The following PDIA3 variants were observed in gnomAD, a reference collection of about 807,000 sequenced individuals.
PDIA3 encodes protein disulfide isomerase family A member 3.
Under a neutral mutation model 56.9 loss-of-function variants are expected in PDIA3, and 16 were observed. The ratio of observed to expected loss-of-function variants is 0.28; its 90% confidence interval spans 0.19 to 0.43. The LOEUF (loss-of-function observed/expected upper bound fraction) is 0.43, where lower values mean the gene tolerates loss of function less well. Ranked by LOEUF, PDIA3 falls within the 20% of genes least tolerant of loss-of-function variation. PDIA3 has a pLI of 1.00. For missense variants in PDIA3, 485 were observed against 621.3 expected (o/e 0.78, Z 2.33); for synonymous variants, 192 against 216.5 (o/e 0.89, Z 0.99).
intron 4 of PDIA3, among the ~76,000 whole-genome samples, chr15:43,762,013 TTTATC>T (rs1211555687): frequency 6.6e-6 from 1 of 152,180 alleles, no homozygotes; most frequent in Non-Finnish European, 1.5e-5. Context: ...ATCGCTAGGA[TTTATC>T]TTGTTTTTGC....
intron 1 of PDIA3, among the ~76,000 whole-genome samples, chr15:43,750,303 A>G (rs1317254831): frequency 6.7e-6 from 1 of 148,668 alleles, no homozygotes; most frequent in Non-Finnish European, 1.5e-5. Flanking sequence ...GGCGTGAGCC[A>G]CCGTGCCTGG....
chr15:43,750,533 T>C (rs1343694211), intron 1 of PDIA3, among the ~76,000 whole-genome samples: 1 of 151,172 alleles, frequency 6.6e-6, no homozygotes, highest in East Asian at 2.0e-4. Context: ...CCCAGCACTT[T>C]GGGAGGTCAA....
chr15:43,760,947 A>T (rs774554486), intron 3 of PDIA3, among the ~76,000 whole-genome samples: 18 of 151,652 alleles, frequency 1.2e-4, no homozygotes, highest in Non-Finnish European at 2.1e-4. Context: ...TATACAAGCA[A>T]CTGAAATCTT....
intron 3 of PDIA3, among the ~76,000 whole-genome samples, chr15:43,758,239 A>AAAC (rs987404108): frequency 3.9e-5 from 6 of 152,180 alleles, no homozygotes; most frequent in Middle Eastern, 6.3e-3. Context: ...CTCCGTCTCA[A>AAAC]AACAACAACA....
At chr15:43,758,601 T>C (rs1325449096) in intron 3 of PDIA3, among the ~76,000 whole-genome samples, 1 of 146,596 alleles carries the variant, frequency 6.8e-6, no homozygotes, top group Non-Finnish European at 1.5e-5. Context: ...GAGGTTGTAG[T>C]GAGTCGAGAT....
intron 1 of PDIA3, among the ~76,000 whole-genome samples, chr15:43,751,241 T>C (rs1246423275): frequency 6.6e-6 from 1 of 152,062 alleles, no homozygotes; most frequent in Non-Finnish European, 1.5e-5. Flanking sequence ...TTTCCTTCCC[T>C]GGACAACTAA....
intron 4 of PDIA3, among the ~76,000 whole-genome samples, chr15:43,762,511 C>CAAA (rs767755194): frequency 1.8e-5 from 1 of 55,962 alleles, no homozygotes; most frequent in African/African-American, 7.0e-5. Flanking sequence ...AACTCTGTCG[C>CAAA]AAAAAAAAAA....
At position 43,746,533 on chromosome 15, in the gene PDIA3, C is replaced by G; in HGVS notation, c.-7C>G. 1 of 1,591,240 alleles carries G rather than the reference C, an allele frequency of 6.3e-7. No individual in the cohort carries two copies. Among genetic ancestry groups the G allele is most frequent in the South Asian group, 1.1e-5 (1 of 89,620 alleles). The stretch of plus-strand genomic sequence containing the variant: ...CCTTCCGGCCGTCCCCACCCCACCT[C>G]GCCGCCATGCGCCTCCGCCGCCTAG... On this transcript the variant is annotated 5_prime_UTR_variant, in exon 1 of 13. Coordinates refer to ENST00000300289, the MANE Select transcript of PDIA3 (RefSeq NM_005313.5).
At chr15:43,760,700 T>C (rs910883495) in intron 3 of PDIA3, among the ~76,000 whole-genome samples, 3 of 151,104 alleles carry the variant, frequency 2.0e-5, no homozygotes, top group Non-Finnish European at 2.9e-5. Flanking sequence ...CGGCTAATTT[T>C]TTTGGTATTT....
At chr15:43,754,728 A>C (rs2086766319) in intron 2 of PDIA3, among the ~76,000 whole-genome samples, 1 of 148,594 alleles carries the variant, frequency 6.7e-6, no homozygotes, top group African/African-American at 2.5e-5. Context: ...AAAAAAAAAA[A>C]GTGTAATCCC....
intron 9 of PDIA3, among the ~76,000 whole-genome samples, 165 bp from the exon 10 acceptor site, chr15:43,769,353 G>C (rs947000025): frequency 6.6e-6 from 1 of 152,204 alleles, no homozygotes. Context: ...TTGGTATCTA[G>C]TGAATGACAA....
chr15:43,762,329 T>G (rs1219477073), intron 4 of PDIA3, among the ~76,000 whole-genome samples: 1 of 151,954 alleles, frequency 6.6e-6, no homozygotes, highest in East Asian at 1.9e-4. Context: ...CTGACCAACA[T>G]GGAGAAACCC....
At chr15:43,770,446 G>T in intron 11 of PDIA3, 77 bp from the exon 12 acceptor site, 1 of 1,353,524 alleles carries the variant, frequency 7.4e-7, no homozygotes, top group South Asian at 1.2e-5. Context: ...CAGAACCACT[G>T]ATTCCTTCTT....
At chr15:43,762,138 A>G (rs1567157920) in intron 4 of PDIA3, among the ~76,000 whole-genome samples, 1 of 152,184 alleles carries the variant, frequency 6.6e-6, no homozygotes, top group East Asian at 1.9e-4. Context: ...TAAATGTGAT[A>G]TATGATAAAT....
intron 1 of PDIA3, among the ~76,000 whole-genome samples, chr15:43,751,087 A>T (rs2086740549): frequency 6.6e-6 from 1 of 151,142 alleles, no homozygotes; most frequent in South Asian, 2.1e-4. Context: ...AGCTGAGATC[A>T]TGCCACTGGA....
intron 5 of PDIA3, 68 bp from the exon 6 acceptor site, chr15:43,765,380 CAA>C (rs34708362): frequency 2.6e-4 from 185 of 701,986 alleles, no homozygotes; most frequent in Middle Eastern, 8.7e-4. Context: ...AACCCTATCT[CAA>C]AAAAAAAAAG....
At chr15:43,770,438 G>C in intron 11 of PDIA3, 85 bp from the exon 12 acceptor site, 1 of 1,346,404 alleles carries the variant, frequency 7.4e-7, no homozygotes, top group Non-Finnish European at 1.1e-6. Flanking sequence ...GTTGAAGGCA[G>C]AACCACTGAT....
intron 8 of PDIA3, 149 bp from the exon 9 acceptor site, chr15:43,768,340 A>G: frequency 1.7e-6 from 1 of 573,950 alleles, no homozygotes; most frequent in South Asian, 2.4e-5. Context: ...TTGTTTCTTC[A>G]GTCGGTAGTT....
Position 43,768,536 on chromosome 15 carries a change from G to A in PDIA3, c.1076G>A (p.Gly359Asp). The A allele has an allele frequency of 6.2e-7, 1 of 1,613,944 alleles. No homozygotes were observed. The highest frequency in any genetic ancestry group is 1.3e-5 in the African/African-American group (1 of 75,018). Residue 359 changes from glycine (G) to aspartate (D), a missense_variant, in exon 9 of 13, where the codon GGC becomes GAC. Physicochemically the swap from Gly to Asp is moderately conservative, Grantham distance 94. Transcript: ENST00000300289. The part of the protein sequence containing the change: ...LERFLQDYFD[G>D]NLKRYLKSEP... Reference sequence around the variant, plus strand: ...AGGTTCCTGCAGGATTACTTTGATGGCAATCTGAAGAGATACCTGAAGTCT... The same window carrying A: ...AGGTTCCTGCAGGATTACTTTGATGACAATCTGAAGAGATACCTGAAGTCT...
Sources: gnomAD v4.1 joint callset for allele counts (sites outside exome capture counted in the v4.1 genomes callset) on GRCh38, gnomAD v4.1.1 for gene constraint, MANE v1.5 for transcripts, NCBI Gene and HGNC (gene_info 2026-07-23, HGNC 2026-07-21) for gene names.